Variants in ODAD1 observed in about 807,000 individuals in gnomAD.
ODAD1 encodes the protein outer dynein arm-docking complex subunit 1.
In ODAD1, 49 loss-of-function variants were observed where a neutral mutation model predicts 67.2. The ratio of observed to expected loss-of-function variants is 0.73; its 90% CI spans 0.58 to 0.92. The LOEUF is 0.92. Among genes scored for constraint, ODAD1 ranks in the 40% least tolerant of loss-of-function variants. ODAD1 has a pLI of 0.00. For synonymous variants in ODAD1, 345 were observed against 393.7 expected, an observed-to-expected ratio of 0.88 and a Z score of 1.46; for missense variants, 897 against 953.7, an observed-to-expected ratio of 0.94 and a Z score of 0.78.
intron 10 of ODAD1, 145 bp downstream of exon 10, chr19:48,303,505 G>A (rs1176072417): frequency 2.9e-5 from 28 of 954,856 alleles, no homozygotes; most frequent in Non-Finnish European, 3.6e-5. Context: ...GCCAGTGGAC[G>A]CGGGCGGCGG....
At chr19:48,309,069 G>C (rs1431634267) in intron 7 of ODAD1, among the ~76,000 whole-genome samples, 1 of 152,116 alleles carries the variant, frequency 6.6e-6, no homozygotes, top group Non-Finnish European at 1.5e-5. Context: ...AACGGCCCAG[G>C]AAAGCACCAC....
chr19:48,303,158 A>G, intron 10 of ODAD1, 63 bp from the exon 11 acceptor site: 1 of 1,246,634 alleles, frequency 8.0e-7, no homozygotes, highest in Non-Finnish European at 1.2e-6. Flanking sequence ...GACAGAGAGA[A>G]CAGAGACAGA....
rs113702431 is a variant in ODAD1 at position 48,315,342 on chromosome 19, C to T, written c.360+3045G>A. On this transcript the variant is annotated intron_variant, in intron 5 of 15. Transcript: ENST00000674294. ...GGCAGATCCCCTGAGGTCAGGAGTT[C>T]GAGACCAGCCTGGCCAACATGGCGA... Among the ~76,000 whole-genome samples, 1,012 of 152,226 alleles carry T rather than the reference C, an allele frequency of 6.6e-3. 11 individuals are homozygous for T. The highest frequency in any genetic ancestry group is 0.023 in the African/African-American group (954 of 41,526).
In ODAD1 at chr19:48,303,772, G is replaced by A. The variant is rs531015036; in HGVS notation, c.866C>T (p.Ala289Val). 5.0e-6 allele frequency: 8 copies of A among 1,610,542 alleles called. No individual in the cohort carries two copies. In the Middle Eastern group the frequency reaches 6.6e-4, roughly 133 times the overall value. Residue 289 changes from alanine to valine, a missense_variant, in exon 10 of 16, where the codon GCC becomes GTC. Ala to Val is a moderately conservative substitution (Grantham distance 64, BLOSUM62 0). Coordinates refer to ENST00000674294, the MANE Select transcript of ODAD1 (RefSeq NM_001364171.2). ...EKREKQAGEV[A>V]EGVWKTSQER... The stretch of plus-strand genomic sequence containing the variant: ...CTGGGAGGTCTTCCAGACGCCCTCG[G>A]CCACCTCCCCGGCTAGGGGAAGAGA...
intron 7 of ODAD1, among the ~76,000 whole-genome samples, chr19:48,309,089 C>A (rs1340678484): frequency 6.6e-6 from 1 of 152,166 alleles, no homozygotes; most frequent in Non-Finnish European, 1.5e-5. Context: ...CCGCACCCCC[C>A]TCCCCACCCC....
At position 48,303,012 on chromosome 19, in the gene ODAD1, C is replaced by T. The variant is rs2037223234; in HGVS notation, c.1071+1G>A. The T allele has an allele frequency of 6.2e-7, 1 of 1,613,380 alleles. No homozygotes were observed. On this transcript the variant is annotated splice_donor_variant, in intron 11 of 15. Coordinates refer to ENST00000674294, the MANE Select transcript of ODAD1 (RefSeq NM_001364171.2). LOFTEE classifies it high-confidence loss of function. ...AGATGGAGAGGGCAGGCCTCACTCA[C>T]CTCCTTGATCTCTTCCTGCACATGC...
At position 48,298,223 on chromosome 19, in the gene ODAD1, T is replaced by A; in HGVS notation, c.1358A>T (p.Lys453Met). ...DMGLFLSLIEKRLVELLTVQA... is the reference protein window; with the variant it reads ...DMGLFLSLIEMRLVELLTVQA... ...CACTGTCAGGAGCTCCACCAGCCGC[T>A]TCTCAATGAGGCTCAGGAAGAGGCC... is the stretch of plus-strand genomic sequence containing the variant. The change falls in exon 13 of 16, where the codon AAG becomes ATG. Residue 453 changes from lysine (K) to methionine (M), a missense_variant. Transcript: ENST00000674294. 1.2e-6 allele frequency: 2 copies of A among 1,613,936 alleles called. No individual in the cohort carries two copies. The highest frequency in any genetic ancestry group is 1.7e-6 in the Non-Finnish European group (2 of 1,180,030).
chr19:48,297,318 AAG>A lies in ODAD1; in HGVS notation c.1780_1781del (p.Leu594TrpfsTer23). On this transcript the variant is annotated frameshift_variant, in exon 16 of 16. Transcript: ENST00000674294. LOFTEE classifies it low-confidence loss of function (END_TRUNC). ...SHKTSRDRGS[L>X]GHVTFGGLSS... is the part of the protein sequence containing the mutation. ...TGAGGCCGCCAAAAGTGACGTGGCCAAGAGAGCCACGGTCTCTGCTAGTCTTG... is the reference window on the plus strand; with the variant it reads ...TGAGGCCGCCAAAAGTGACGTGGCCAAGAGCCACGGTCTCTGCTAGTCTTG... 6.2e-7 allele frequency: 1 copy of A among 1,613,548 alleles called. No individual in the cohort carries two copies. Among genetic ancestry groups the A allele is most frequent in the Non-Finnish European group, 8.5e-7 (1 of 1,180,006 alleles).
rs377438611 is a variant in ODAD1 at position 48,316,995 on chromosome 19, T to C, written c.360+1392A>G. On this transcript the variant is annotated intron_variant, in intron 5 of 15. Transcript: ENST00000674294. ...TCCAGCCTGGGTGACAGAGCGAGAC[T>C]TTGTCTTGAAAAGAAAAAGAAAGTG... 3.9e-5 allele frequency among the ~76,000 whole-genome samples: 6 copies of C among 152,092 alleles called. No individual in the cohort carries two copies. In the East Asian group the frequency reaches 1.2e-3, roughly 29 times the overall value.
Position 48,312,125 on chromosome 19 carries a change from A to C in ODAD1, c.361-9T>G. The C allele has an allele frequency of 6.4e-7, 1 of 1,550,588 alleles. No individual in the cohort carries two copies. Among genetic ancestry groups the C allele is most frequent in the Non-Finnish European group, 8.7e-7 (1 of 1,145,912 alleles). ...GTCTCCCACTCCTGGATCTACAAGA[A>C]AGAGGATGGTACCTGTTTTTGGTTG... On this transcript the variant is annotated splice_polypyrimidine_tract_variant and intron_variant, in intron 5 of 15. Coordinates refer to ENST00000674294, the MANE Select transcript of ODAD1 (RefSeq NM_001364171.2).
At chr19:48,301,860 T>G (rs1968471565) in intron 12 of ODAD1, among the ~76,000 whole-genome samples, 1 of 147,616 alleles carries the variant, frequency 6.8e-6, no homozygotes, top group Non-Finnish European at 1.5e-5. Context: ...GATGGATGGA[T>G]GGATATACGG....
Position 48,304,153 on chromosome 19 carries a change from GC to G in ODAD1, c.666-14del. On this transcript the variant is annotated splice_polypyrimidine_tract_variant and intron_variant, in intron 8 of 15. Transcript: ENST00000674294. ...CTTCGCCTCCTCCCTGCGGGGGTCA[GC>G]CGGGGTCAGGATGACTGGAGGCTGG... The G allele has an allele frequency of 6.3e-7, 1 of 1,591,700 alleles. No individual in the cohort carries two copies. Among genetic ancestry groups the G allele is most frequent in the Non-Finnish European group, 8.6e-7 (1 of 1,168,576 alleles).
In ODAD1 at chr19:48,302,868, G is replaced by C. The variant is rs1968506491; in HGVS notation, c.1072-6C>G. The C allele has an allele frequency of 6.2e-7, 1 of 1,613,874 alleles. No individual in the cohort carries two copies. Among genetic ancestry groups the C allele is most frequent in the East Asian group, 2.2e-5 (1 of 44,888 alleles). On this transcript the variant is annotated splice_region_variant and splice_polypyrimidine_tract_variant and intron_variant, in intron 11 of 15. Coordinates refer to ENST00000674294, the MANE Select transcript of ODAD1 (RefSeq NM_001364171.2). Reference sequence around the variant, plus strand: ...CTCACCAAAGCCTCCTGCATCTGTGGGGACAGGGCTGAATGCTGGGCCAGA... The same window carrying C: ...CTCACCAAAGCCTCCTGCATCTGTGCGGACAGGGCTGAATGCTGGGCCAGA...
chr19:48,316,837 A>C (rs1158940585), intron 5 of ODAD1, among the ~76,000 whole-genome samples: 6 of 152,092 alleles, frequency 3.9e-5, no homozygotes, highest in Admixed American at 2.0e-4. Context: ...ATCTCTACCA[A>C]AAAATACAAA....
Position 48,303,639 on chromosome 19 carries a change from G to A in ODAD1, c.988+11C>T. 1 of 1,613,944 alleles carries A rather than the reference G, an allele frequency of 6.2e-7. No homozygotes were observed. Among genetic ancestry groups the A allele is most frequent in the Non-Finnish European group, 8.5e-7 (1 of 1,179,912 alleles). On this transcript the variant is annotated intron_variant, in intron 10 of 15. Coordinates refer to ENST00000674294, the MANE Select transcript of ODAD1 (RefSeq NM_001364171.2). The stretch of plus-strand genomic sequence containing the variant: ...CCCGGGCCTCCTCCCTCCACCCAGG[G>A]CCCCACTCACTCTCCAGATACTTCT...
intron 5 of ODAD1, among the ~76,000 whole-genome samples, chr19:48,312,895 G>A (rs1968803666): frequency 6.7e-6 from 1 of 148,316 alleles, no homozygotes; most frequent in Non-Finnish European, 1.5e-5. Flanking sequence ...AGTAGCCCTG[G>A]GTCTGCTTAT....
In ODAD1 at chr19:48,301,815, C is replaced by CTGGATGGA. The variant is rs201641397; in HGVS notation, c.1240+871_1240+878dup. Reference sequence around the variant, plus strand: ...CATGGGACAGTTGGAGGAATAGATCCTGGATGGATGGATGGATGGATGGAT... The same window carrying CTGGATGGA: ...CATGGGACAGTTGGAGGAATAGATCCTGGATGGATGGATGGATGGATGGATGGATGGAT... On this transcript the variant is annotated intron_variant, in intron 12 of 15. Transcript: ENST00000674294. Among the ~76,000 whole-genome samples, 661 of 145,418 alleles carry CTGGATGGA rather than the reference C, an allele frequency of 4.5e-3. 4 individuals carry two copies. Among genetic ancestry groups the CTGGATGGA allele is most frequent in the East Asian group, 8.6e-3 (41 of 4,780 alleles).
At position 48,303,958 on chromosome 19, in the gene ODAD1, T is replaced by C. The variant is rs1443315534; in HGVS notation, c.848A>G (p.Lys283Arg). ...GGCAGCAGCCCCAGCCTCACCCTGC[T>C]TTTCACGCTTCTCCAGGACATCGGG... ...PDPDVLEKRE[K>R]QAGEVAEGVW... The change falls in exon 9 of 16, where the codon AAG (lysine) becomes AGG (arginine). Residue 283 changes from lysine (K) to arginine (R), a missense_variant. By Grantham distance (26) the Lys-to-Arg change is conservative. Transcript: ENST00000674294. 6.2e-7 allele frequency: 1 copy of C among 1,613,744 alleles called. No homozygotes were observed. The highest frequency in any genetic ancestry group is 1.7e-5 in the Admixed American group (1 of 60,004).
chr19:48,318,145 C>T (rs1346683913), intron 5 of ODAD1, among the ~76,000 whole-genome samples: 1 of 152,112 alleles, frequency 6.6e-6, no homozygotes, highest in Non-Finnish European at 1.5e-5. Context: ...GCATGTGCCA[C>T]CATGCCTGGC....
Sources: gnomAD v4.1 joint callset for allele counts (sites outside exome capture counted in the v4.1 genomes callset) on GRCh38, gnomAD v4.1.1 for gene constraint, MANE v1.5 for transcripts, NCBI Gene and HGNC (gene_info 2026-07-23, HGNC 2026-07-21) for gene names.